The following ZNF208 variants were observed in gnomAD, a reference collection of about 807,000 sequenced individuals.
The protein encoded by ZNF208 is zinc finger protein 208.
A neutral mutation model predicts 12.1 loss-of-function variants in ZNF208; 10 were observed. The ratio of observed to expected loss-of-function variants is 0.83; its 90% confidence interval spans 0.51 to 1.40. The LOEUF (loss-of-function observed/expected upper bound fraction) is 1.40. ZNF208 is among the 40% of genes most tolerant of loss of function. ZNF208 has a pLI of 0.00. For missense variants in ZNF208, 1,652 were observed against 1,485.0 expected (o/e 1.11, Z -1.85); for synonymous variants, 497 against 488.4 (o/e 1.02, Z -0.23).
At position 21,971,414 on chromosome 19, in the gene ZNF208, T is replaced by G. The variant is rs1319382389; in HGVS notation, c.3620A>C (p.Lys1207Thr). The change falls in exon 4 of 4, where the codon AAG becomes ACG. Residue 1207 changes from lysine to threonine, a missense_variant. Physicochemically the swap from Lys to Thr is moderately conservative, Grantham distance 78. Around this residue, in one of 3 missense-constraint regions of ZNF208, gnomAD observed 1,239 missense variants for 1,086.2 expected, o/e 1.14. Transcript: ENST00000397126. ...GTGATATCTAAGGGTTGAGGGCCAC[T>G]TATAGGCTTTGCCACATTCTTCACA... Reference protein sequence around the residue: ...YKCEECGKAYKWPSTLRYHKK... With the variant: ...YKCEECGKAYTWPSTLRYHKK... The G allele has an allele frequency of 6.2e-7, 1 of 1,608,342 alleles. No individual in the cohort carries two copies. Among genetic ancestry groups the G allele is most frequent in the Admixed American group, 1.7e-5 (1 of 59,672 alleles).
At chr19:22,006,722 C>T (rs1971051238) in intron 1 of ZNF208, among the ~76,000 whole-genome samples, 1 of 152,148 alleles carries the variant, frequency 6.6e-6, no homozygotes, top group African/African-American at 2.4e-5. Flanking sequence ...TAGGCTCAAG[C>T]TTTAATTTAC....
chr19:21,940,277 A>G (rs1969713943), intron 4 of ZNF208: 1 of 152,212 alleles, frequency 6.6e-6, no homozygotes, highest in African/African-American at 2.4e-5. Context: ...TAAATGGTCA[A>G]GCTATGCAAA....
intron 4 of ZNF208, among the ~76,000 whole-genome samples, chr19:21,950,308 C>T (rs1969870321): frequency 6.6e-6 from 1 of 152,082 alleles, no homozygotes; most frequent in Non-Finnish European, 1.5e-5. Context: ...CCTAAAATAA[C>T]CTCTGGTGGC....
At chr19:21,989,542 T>C (rs1364409111) in intron 1 of ZNF208, among the ~76,000 whole-genome samples, 1 of 152,118 alleles carries the variant, frequency 6.6e-6, no homozygotes, top group African/African-American at 2.4e-5. Flanking sequence ...GCAATAAACA[T>C]ACGTGTGCAT....
At position 21,968,053 on chromosome 19, in the gene ZNF208, G is replaced by C. The variant is rs1295332345; in HGVS notation, c.*3138C>G. On this transcript the variant is annotated 3_prime_UTR_variant, in exon 4 of 4. Transcript: ENST00000397126. ...TTTGTTCTCAGTTTGAATATTATTG[G>C]TGTACAGAAATGCTATGCATTTGTG... The C allele has an allele frequency of 2.0e-5, 3 of 151,990 alleles. No homozygotes were observed. The highest frequency in any genetic ancestry group is 7.2e-5 in the African/African-American group (3 of 41,404). 9.4% of individuals were successfully genotyped at this position (151,990 alleles called of 1,614,324 possible). A position where few individuals can be genotyped will look rare whatever the true frequency, so the allele number is the denominator to read the frequency against.
intron 4 of ZNF208, among the ~76,000 whole-genome samples, chr19:21,955,994 G>T (rs897850614): frequency 1.3e-5 from 2 of 152,094 alleles, no homozygotes; most frequent in African/African-American, 4.8e-5. Flanking sequence ...TTTGATGATG[G>T]TGATGTACAG....
intron 1 of ZNF208, among the ~76,000 whole-genome samples, chr19:21,989,338 T>C (rs1349338640): frequency 1.3e-5 from 2 of 149,264 alleles, no homozygotes; most frequent in Non-Finnish European, 3.0e-5. Context: ...ACATGCGGTG[T>C]TTGGTTTTTT....
At chr19:22,007,505 C>CAAA (rs58769307) in intron 1 of ZNF208, among the ~76,000 whole-genome samples, 19 of 62,558 alleles carry the variant, frequency 3.0e-4, no homozygotes, top group South Asian at 8.1e-4. Context: ...ACTCTGTCTC[C>CAAA]AAAAAAAAAA....
intron 3 of ZNF208, among the ~76,000 whole-genome samples, chr19:21,975,580 A>G (rs907701140): frequency 2.0e-5 from 3 of 152,128 alleles, no homozygotes; most frequent in Non-Finnish European, 2.9e-5. Flanking sequence ...TCCAAATCTC[A>G]AAGATTAAAA....
chr19:21,992,643 C>T (rs1183904900), intron 1 of ZNF208, among the ~76,000 whole-genome samples: 2 of 152,124 alleles, frequency 1.3e-5, no homozygotes, highest in African/African-American at 4.8e-5. Flanking sequence ...CTACATCTTC[C>T]CATGTTCCAC....
rs559009614 is a variant in ZNF208, at chr19:21,971,155, G to A, written c.*36C>T. On this transcript the variant is annotated 3_prime_UTR_variant, in exon 4 of 4. Transcript: ENST00000397126. Reference sequence around the variant, plus strand: ...TTTTCTTATGATAACTAAGGGTTGAGGGCCACTTATAGGCTTTGCCACATT... The same window carrying A: ...TTTTCTTATGATAACTAAGGGTTGAAGGCCACTTATAGGCTTTGCCACATT... 3.7e-6 allele frequency: 6 copies of A among 1,612,470 alleles called. No homozygotes were observed. The African/African-American group carries it at 8.0e-5, about 22-fold the overall frequency.
intron 4 of ZNF208, among the ~76,000 whole-genome samples, chr19:21,950,720 C>G (rs1000355200): frequency 6.6e-6 from 1 of 152,040 alleles, no homozygotes; most frequent in Non-Finnish European, 1.5e-5. Context: ...GTCTCAAACT[C>G]CTGACCTCAG....
chr19:21,946,295 T>G (rs761353103), intron 4 of ZNF208, among the ~76,000 whole-genome samples: 1 of 152,182 alleles, frequency 6.6e-6, no homozygotes, highest in Non-Finnish European at 1.5e-5. Flanking sequence ...ATGAGCAGCC[T>G]TTATGGATCA....
chr19:21,988,130 A>G (rs1970658299), intron 2 of ZNF208, among the ~76,000 whole-genome samples: 1 of 152,152 alleles, frequency 6.6e-6, no homozygotes, highest in African/African-American at 2.4e-5. Flanking sequence ...AACTTTTGAA[A>G]TTACCATTAA....
Position 21,970,734 on chromosome 19 carries a change from G to T in ZNF208, c.*457C>A, listed in dbSNP as rs750947575. 3 of 1,246,878 alleles carry T rather than the reference G, an allele frequency of 2.4e-6. No individual in the cohort carries two copies. The highest frequency in any genetic ancestry group is 3.0e-5 in the African/African-American group (2 of 67,058). The allele number at this position is 1,246,878 out of a possible 1,614,324, so 77.2% of individuals were successfully genotyped here. ...GAATTTTCTTATGTGTAGGAGGGTT[G>T]GGAACTGTTTAAAAGCTTTGCCAAA... On this transcript the variant is annotated 3_prime_UTR_variant, in exon 4 of 4. Coordinates refer to ENST00000397126, the MANE Select transcript of ZNF208 (RefSeq NM_007153.3).
Position 21,972,806 on chromosome 19 carries a change from T to G in ZNF208, c.2228A>C (p.His743Pro), listed in dbSNP as rs1345393047. The change falls in exon 4 of 4, where the codon CAT (histidine) becomes CCT (proline). Residue 743 changes from histidine to proline, a missense_variant. Physicochemically the swap from His to Pro is moderately conservative, Grantham distance 77. Coordinates refer to ENST00000397126, the MANE Select transcript of ZNF208 (RefSeq NM_007153.3). ...FSVLTKHKVI[H>P]TGEKPYKCEE... ...ACATTTGTAGGGTTTCTCTCCAGTA[T>G]GAATTACCTTATGTTTAGTAAGGAC... 1.2e-6 allele frequency: 2 copies of G among 1,612,324 alleles called. No individual in the cohort carries two copies. Among genetic ancestry groups the G allele is most frequent in the Admixed American group, 3.3e-5 (2 of 59,922 alleles).
At chr19:21,988,347 C>T (rs552537244) in intron 2 of ZNF208, among the ~76,000 whole-genome samples, 3 of 152,212 alleles carry the variant, frequency 2.0e-5, no homozygotes, top group African/African-American at 7.2e-5. Context: ...CTCAGCATTC[C>T]ACTGGAGGCT....
chr19:21,957,480 CT>C (rs1969994380), intron 4 of ZNF208, among the ~76,000 whole-genome samples: 1 of 152,130 alleles, frequency 6.6e-6, no homozygotes. Context: ...GAAAGCTGGT[CT>C]CATACCTTGT....
chr19:21,988,075 T>A lies in ZNF208; in HGVS notation c.130+708A>T, dbSNP rs572871778. Among the ~76,000 whole-genome samples the A allele has an allele frequency of 3.3e-5, 5 of 152,250 alleles. No homozygotes were observed. In the East Asian group the frequency reaches 9.7e-4, roughly 29 times the overall value. ...TTCTCTAATTTTGTAGGTTCTTAAT[T>A]TTATCACCTAGTAATACTGAATTAA... On this transcript the variant is annotated intron_variant, in intron 2 of 3. Transcript: ENST00000397126.
Sources: gnomAD v4.1 joint callset for allele counts (sites outside exome capture counted in the v4.1 genomes callset) on GRCh38, gnomAD v4.1.1 for gene constraint, gnomAD v4.1.1 regional missense constraint, MANE v1.5 for transcripts, NCBI Gene and HGNC (gene_info 2026-07-23, HGNC 2026-07-21) for gene names.